ZDHHC15: variants seen among roughly 807,000 people sequenced by gnomAD.
ZDHHC15 encodes the protein zDHHC palmitoyltransferase 15, also known as palmitoyltransferase ZDHHC15.
A neutral mutation model predicts 31.7 loss-of-function variants in ZDHHC15; 19 were observed. That is an observed-to-expected ratio of 0.60 (90% CI 0.42 to 0.88). The LOEUF (loss-of-function observed/expected upper bound fraction) is 0.88, where lower values mean the gene tolerates loss of function less well. Among genes scored for constraint, ZDHHC15 ranks in the 40% least tolerant of loss-of-function variants. The probability of loss-of-function intolerance (pLI) is 0.00; values close to 1 mark genes in which losing one functional copy is unlikely to be tolerated. For synonymous variants in ZDHHC15, 103 were observed against 90.0 expected, an observed-to-expected ratio of 1.14 and a Z score of -0.82; for missense variants, 209 against 251.2, an observed-to-expected ratio of 0.83 and a Z score of 1.14.
At chrX:75,411,783 A>G (rs1343123783) in intron 10 of ZDHHC15, among the ~76,000 whole-genome samples, 1 of 111,753 alleles carries the variant, frequency 8.9e-6, no homozygotes, top group Admixed American at 9.5e-5. Flanking sequence ...TCCAAAATTT[A>G]AAAAAAAGAA....
chrX:75,417,329 C>T, intron 9 of ZDHHC15, 139 bp from the exon 10 acceptor site: 1 of 390,693 alleles, frequency 2.6e-6, no homozygotes, highest in Non-Finnish European at 4.5e-6. Flanking sequence ...TGGGCTCTTA[C>T]AATAGCATTA....
At chrX:75,499,234 T>C (rs2032216282) in intron 2 of ZDHHC15, among the ~76,000 whole-genome samples, 1 of 111,569 alleles carries the variant, frequency 9.0e-6, no homozygotes, top group African/African-American at 3.3e-5. Flanking sequence ...AAAGAGCTCA[T>C]GACCCAGACC....
intron 2 of ZDHHC15, chrX:75,502,033 A>T (rs1269509502): frequency 8.9e-6 from 1 of 112,029 alleles, no homozygotes. Flanking sequence ...TCAAATGGAA[A>T]CCTAATATTC....
chrX:75,410,252 C>T (rs1288764726), intron 10 of ZDHHC15, among the ~76,000 whole-genome samples: 2 of 110,995 alleles, frequency 1.8e-5, no homozygotes, highest in African/African-American at 6.6e-5. Flanking sequence ...GCAAAGAAAA[C>T]AACCAACAAA....
At chrX:75,417,323 C>A in intron 9 of ZDHHC15, 133 bp from the exon 10 acceptor site, 1 of 397,299 alleles carries the variant, frequency 2.5e-6, no homozygotes, top group Non-Finnish European at 4.4e-6. Context: ...GTGGAATGGG[C>A]TCTTACAATA....
chrX:75,384,950 T>C, intron 10 of ZDHHC15: 1 of 434,464 alleles, frequency 2.3e-6, no homozygotes, highest in South Asian at 3.5e-5. Context: ...TGCATGGAAA[T>C]ACATAAGGGC....
chrX:75,487,432 G>A (rs1296722245), intron 2 of ZDHHC15, among the ~76,000 whole-genome samples: 4 of 111,669 alleles, frequency 3.6e-5, no homozygotes, highest in Non-Finnish European at 7.5e-5. Context: ...AGAACAATAA[G>A]AATCACTGAA....
At chrX:75,425,073 G>A (rs891953074) in intron 7 of ZDHHC15, among the ~76,000 whole-genome samples, 6 of 110,576 alleles carry the variant, frequency 5.4e-5, no homozygotes, top group African/African-American at 2.0e-4. Context: ...GTATTCTCGG[G>A]CCATAATTGG....
chrX:75,518,800 T>G (rs2085402532), intron 1 of ZDHHC15, among the ~76,000 whole-genome samples: 4 of 25,958 alleles, frequency 1.5e-4, no homozygotes, highest in South Asian at 6.2e-3. Flanking sequence ...TATATATATA[T>G]ATATATACAC....
intron 10 of ZDHHC15, among the ~76,000 whole-genome samples, chrX:75,383,734 GGTTTTT>G (rs1263639113): frequency 9.0e-5 from 7 of 77,793 alleles, no homozygotes; most frequent in South Asian, 7.0e-4. Context: ...AGAAATGTTA[GGTTTTT>G]TTTTTTTTTT....
chrX:75,424,813 G>C, intron 7 of ZDHHC15, 29 bp from the exon 8 acceptor site: 1 of 1,159,803 alleles, frequency 8.6e-7, no homozygotes, highest in Non-Finnish European at 1.1e-6. Flanking sequence ...ACAAGCAAAA[G>C]ATTAAAGTGG....
intron 3 of ZDHHC15, among the ~76,000 whole-genome samples, chrX:75,476,845 G>T (rs754587228): frequency 4.7e-5 from 5 of 107,343 alleles, no homozygotes; most frequent in African/African-American, 1.7e-4. Flanking sequence ...TTTTGGTTTT[G>T]TTGGGTCTCT....
chrX:75,431,903 T>C (rs911376663), intron 4 of ZDHHC15, among the ~76,000 whole-genome samples: 1 of 111,819 alleles, frequency 8.9e-6, no homozygotes, highest in Non-Finnish European at 1.9e-5. Context: ...TCTCCAGAGG[T>C]TGGATTGTAT....
At chrX:75,392,128 T>A (rs1422077012) in intron 10 of ZDHHC15, among the ~76,000 whole-genome samples, 1 of 112,005 alleles carries the variant, frequency 8.9e-6, no homozygotes, top group African/African-American at 3.2e-5. Flanking sequence ...ATAGGGGAAT[T>A]TATTAAGCAT....
At chrX:75,507,620 A>G (rs935899386) in intron 1 of ZDHHC15, among the ~76,000 whole-genome samples, 1 of 111,723 alleles carries the variant, frequency 9.0e-6, no homozygotes, top group Non-Finnish European at 1.9e-5. Context: ...TAGCCATGCT[A>G]TGGGTAACTT....
rs1253512897 is a variant in ZDHHC15 at position 75,371,521 on chromosome X, T to C, written c.*1457A>G. 1 of 112,094 alleles carries C rather than the reference T, an allele frequency of 8.9e-6. No individual in the cohort carries two copies. Among genetic ancestry groups the C allele is most frequent in the Non-Finnish European group, 1.9e-5 (1 of 53,255 alleles). 9.2% of individuals were successfully genotyped at this position (112,094 alleles called of 1,213,427 possible). On this transcript the variant is annotated 3_prime_UTR_variant, in exon 12 of 12. Transcript: ENST00000373367. ...TGCTTTAAGTAGCTGGATTGTTCAC[T>C]TTCTCAGCTCCACTGGAACCCCAAC...
chrX:75,452,055 C>A (rs1342693181), intron 3 of ZDHHC15, among the ~76,000 whole-genome samples: 1 of 110,688 alleles, frequency 9.0e-6, no homozygotes, highest in African/African-American at 3.3e-5. Context: ...AGTTAACGGG[C>A]TAAATGCCCT....
At chrX:75,504,983 A>G (rs1395252937) in intron 2 of ZDHHC15, among the ~76,000 whole-genome samples, 1 of 111,356 alleles carries the variant, frequency 9.0e-6, no homozygotes, top group Non-Finnish European at 1.9e-5. Context: ...AATGAACACA[A>G]TGAGGTAAAA....
At chrX:75,457,582 T>C (rs2084243625) in intron 3 of ZDHHC15, among the ~76,000 whole-genome samples, 1 of 109,115 alleles carries the variant, frequency 9.2e-6, no homozygotes, top group Non-Finnish European at 1.9e-5. Flanking sequence ...CCTACTTATA[T>C]ACACAAGAAA....
Sources: allele counts gnomAD v4.1 joint callset (sites outside exome capture counted in the v4.1 genomes callset), GRCh38; gene constraint gnomAD v4.1.1; transcripts MANE v1.5; gene names NCBI Gene and HGNC (gene_info 2026-07-23, HGNC 2026-07-21).